Variants in CAP2 observed in about 807,000 individuals in gnomAD.
CAP2 encodes adenylyl cyclase-associated protein 2.
In CAP2, 24 loss-of-function variants were observed where a neutral mutation model predicts 57.7. The ratio of observed to expected loss-of-function variants is 0.42; its 90% CI spans 0.30 to 0.58. The LOEUF is 0.58. CAP2 is among the 20% of genes least tolerant of loss of function. CAP2 has a pLI of 0.22. For synonymous variants in CAP2, 194 were observed against 207.2 expected, an observed-to-expected ratio of 0.94 and a Z score of 0.55; for missense variants, 501 against 590.3, an observed-to-expected ratio of 0.85 and a Z score of 1.57.
intron 3 of CAP2, among the ~76,000 whole-genome samples, chr6:17,454,380 A>G (rs1206610368): frequency 6.6e-6 from 1 of 152,210 alleles, no homozygotes; most frequent in Admixed American, 6.5e-5. Flanking sequence ...ATAAGAAATG[A>G]GAGCTCTTGA....
intron 7 of CAP2, chr6:17,531,346 G>A (rs1456458545): frequency 1.6e-5 from 23 of 1,466,704 alleles, no homozygotes; most frequent in Non-Finnish European, 2.0e-5. Context: ...TCACACCATT[G>A]ATACCTCTGA....
rs145162696 is a variant in CAP2, at chr6:17,413,417, G to A, written c.-1-8138G>A. 3.0e-4 allele frequency among the ~76,000 whole-genome samples: 46 copies of A among 152,242 alleles called. No homozygotes were observed. The Middle Eastern group carries it at 0.017, about 56-fold the overall frequency. ...ATACGAAGGCGGGCACCTTGGCAAC[G>A]TGAATGTATCTCTTAGTTAAACAGC... is the stretch of plus-strand genomic sequence containing the variant. On this transcript the variant is annotated intron_variant, in intron 1 of 12. Coordinates refer to ENST00000229922, the MANE Select transcript of CAP2 (RefSeq NM_006366.3).
chr6:17,523,460 G>T (rs932637266), intron 7 of CAP2, among the ~76,000 whole-genome samples: 5 of 152,096 alleles, frequency 3.3e-5, no homozygotes, highest in Admixed American at 3.3e-4. Context: ...ACTGAAGGGG[G>T]AGACCCCGAT....
intron 3 of CAP2, among the ~76,000 whole-genome samples, chr6:17,433,281 ATCT>A (rs1402963234): frequency 6.6e-6 from 1 of 152,230 alleles, no homozygotes; most frequent in Non-Finnish European, 1.5e-5. Context: ...AAGATAAAAC[ATCT>A]TCTCTTCTTG....
chr6:17,482,933 T>C (rs1761328080), intron 4 of CAP2, among the ~76,000 whole-genome samples: 1 of 152,256 alleles, frequency 6.6e-6, no homozygotes. Context: ...TCTATTGTTA[T>C]TATCTGTGTA....
intron 7 of CAP2, among the ~76,000 whole-genome samples, chr6:17,536,954 C>G (rs1484751446): frequency 1.3e-5 from 2 of 152,146 alleles, no homozygotes; most frequent in Admixed American, 1.3e-4. Flanking sequence ...AATGGTCAGT[C>G]TCAGGAACTG....
chr6:17,448,562 T>G (rs1279177485), intron 3 of CAP2, among the ~76,000 whole-genome samples: 1 of 152,234 alleles, frequency 6.6e-6, no homozygotes, highest in Non-Finnish European at 1.5e-5. Context: ...TTAAATTCTT[T>G]CCAGTCTTTG....
Position 17,513,174 on chromosome 6 carries a change from C to T in CAP2, c.531-675C>T, listed in dbSNP as rs1762198094. ...TTATAAAAGGTAAGCATTTTACTAG[C>T]CCTTGGTTCAATAAAATAGAGATAA... On this transcript the variant is annotated intron_variant, in intron 6 of 12. Transcript: ENST00000229922. This position sits in a 1 kb window ranked among gnomAD's most constrained non-coding sequence, Gnocchi z 4.3. 6.6e-6 allele frequency among the ~76,000 whole-genome samples: 1 copy of T among 152,044 alleles called. No homozygotes were observed. Among genetic ancestry groups the T allele is most frequent in the Admixed American group, 6.5e-5 (1 of 15,268 alleles).
intron 3 of CAP2, 49 bp downstream of exon 3, chr6:17,426,739 C>A: frequency 7.9e-7 from 1 of 1,268,412 alleles, no homozygotes; most frequent in Non-Finnish European, 1.2e-6. Context: ...AACTTACCAG[C>A]CCAGCCTCTG....
At chr6:17,525,428 T>C (rs971912478) in intron 7 of CAP2, among the ~76,000 whole-genome samples, 3 of 150,112 alleles carry the variant, frequency 2.0e-5, no homozygotes, top group African/African-American at 7.4e-5. Context: ...CACACTGCAC[T>C]CCTGCACTCC....
At position 17,467,050 on chromosome 6, in the gene CAP2, T is replaced by C. The variant is rs566254350; in HGVS notation, c.300+3977T>C. On this transcript the variant is annotated intron_variant, in intron 4 of 12. Coordinates refer to ENST00000229922, the MANE Select transcript of CAP2 (RefSeq NM_006366.3). ...TTGGGCATTGGGGAGGGAAGATCTT[T>C]CAGGGCTGGAGAACCTTCCAGGGAG... is the stretch of plus-strand genomic sequence containing the variant. 2.0e-5 allele frequency among the ~76,000 whole-genome samples: 3 copies of C among 152,260 alleles called. No individual in the cohort carries two copies. In the South Asian group the frequency reaches 6.2e-4, roughly 32 times the overall value.
intron 3 of CAP2, among the ~76,000 whole-genome samples, chr6:17,438,885 G>T (rs1274755256): frequency 6.6e-6 from 1 of 150,470 alleles, no homozygotes; most frequent in Non-Finnish European, 1.5e-5. Flanking sequence ...GGCCAAGGTG[G>T]GCAGATGACG....
chr6:17,446,929 C>T (rs1208771423), intron 3 of CAP2, among the ~76,000 whole-genome samples: 1 of 152,206 alleles, frequency 6.6e-6, no homozygotes. Flanking sequence ...CAGTGTTTAG[C>T]AAGCACCTTT....
At chr6:17,431,405 G>A (rs1457436520) in intron 3 of CAP2, among the ~76,000 whole-genome samples, 2 of 151,912 alleles carry the variant, frequency 1.3e-5, no homozygotes, top group East Asian at 1.9e-4. Context: ...TCAACTAAAC[G>A]TAACACACAT....
intron 4 of CAP2, among the ~76,000 whole-genome samples, chr6:17,474,790 A>G (rs1000248528): frequency 6.6e-6 from 1 of 152,138 alleles, no homozygotes; most frequent in Admixed American, 6.6e-5. Context: ...TTTAGAGTTG[A>G]TATCTCTTTG....
intron 11 of CAP2, among the ~76,000 whole-genome samples, chr6:17,544,225 G>A (rs889596666): frequency 1.3e-5 from 2 of 151,770 alleles, no homozygotes; most frequent in Non-Finnish European, 2.9e-5. Context: ...GTAAATGTTT[G>A]ATGGGTATAT....
chr6:17,398,930 C>A (rs1273935831), intron 1 of CAP2, among the ~76,000 whole-genome samples: 1 of 152,214 alleles, frequency 6.6e-6, no homozygotes, highest in African/African-American at 2.4e-5. Flanking sequence ...TCATCTGAAA[C>A]TGAAACTTTG....
chr6:17,460,617 C>G (rs9465039), intron 3 of CAP2, among the ~76,000 whole-genome samples: 7,754 of 152,078 alleles, frequency 0.051, 666 homozygotes, highest in African/African-American at 0.18. Flanking sequence ...CATAATTATC[C>G]CAGTCTCAAC....
intron 6 of CAP2, among the ~76,000 whole-genome samples, chr6:17,510,347 AAAAAACAAAAAG>A (rs1271251646): frequency 6.6e-6 from 1 of 152,196 alleles, no homozygotes; most frequent in African/African-American, 2.4e-5. Context: ...GTTTTATTTC[AAAAAACAAAAAG>A]AAAAACAAAC....
Sources: allele counts gnomAD v4.1 joint callset (sites outside exome capture counted in the v4.1 genomes callset), GRCh38; gene constraint gnomAD v4.1.1; non-coding constraint Gnocchi (gnomAD v3.1); transcripts MANE v1.5; gene names NCBI Gene and HGNC (gene_info 2026-07-23, HGNC 2026-07-21).